The following MORC1 variants were observed in gnomAD, a reference collection of about 807,000 sequenced individuals.
The protein encoded by MORC1 is MORC family CW-type zinc finger 1, also known as MORC family CW-type zinc finger protein 1.
A neutral mutation model predicts 134.9 loss-of-function variants in MORC1; 59 were observed. The observed-to-expected ratio is 0.44, with a 90% CI of 0.35 to 0.54. The LOEUF is 0.54. Ranked by LOEUF, MORC1 falls within the 20% of genes least tolerant of loss-of-function variation. The probability of loss-of-function intolerance (pLI) is 0.00; values close to 1 mark genes in which losing one functional copy is unlikely to be tolerated. For missense variants in MORC1, 947 were observed against 1,134.5 expected (o/e 0.83, Z 2.37); for synonymous variants, 395 against 391.7 (o/e 1.01, Z -0.10).
intron 24 of MORC1, among the ~76,000 whole-genome samples, chr3:108,973,201 T>G (rs1436712590): frequency 6.6e-6 from 1 of 152,182 alleles, no homozygotes; most frequent in Admixed American, 6.5e-5. Flanking sequence ...TAAAACACCT[T>G]TGACCTTCAG....
At chr3:109,071,454 A>G (rs4309742) in intron 8 of MORC1, among the ~76,000 whole-genome samples, 2,762 of 152,250 alleles carry the variant, frequency 0.018, 84 homozygotes, top group African/African-American at 0.063. Flanking sequence ...GGGGATCTTC[A>G]AGGTCTCCCC....
intron 4 of MORC1, among the ~76,000 whole-genome samples, chr3:109,101,006 A>T (rs1950915478): frequency 6.6e-6 from 1 of 152,216 alleles, no homozygotes; most frequent in Non-Finnish European, 1.5e-5. Context: ...CTAAGAAACA[A>T]CTGTATACTG....
At chr3:108,967,904 G>A (rs1056908984) in intron 26 of MORC1, among the ~76,000 whole-genome samples, 10 of 152,160 alleles carry the variant, frequency 6.6e-5, no homozygotes, top group East Asian at 1.9e-4. Context: ...ACTTTGGAGC[G>A]GGAAAAATCA....
intron 13 of MORC1, among the ~76,000 whole-genome samples, chr3:109,055,903 A>C (rs1217969306): frequency 1.3e-5 from 2 of 152,198 alleles, no homozygotes; most frequent in Non-Finnish European, 2.9e-5. Context: ...GTGGGGAAGG[A>C]AATGGACCAG....
chr3:108,983,264 T>C (rs985018102), intron 23 of MORC1, among the ~76,000 whole-genome samples: 4 of 152,184 alleles, frequency 2.6e-5, no homozygotes, highest in South Asian at 2.1e-4. Context: ...GTGCCAAGTA[T>C]GAGTCAGTGT....
chr3:109,057,512 A>G (rs1178818998), intron 12 of MORC1, 26 bp from the exon 13 acceptor site: 2 of 1,550,640 alleles, frequency 1.3e-6, no homozygotes, highest in Admixed American at 4.1e-5. Flanking sequence ...AAAAGTTTAA[A>G]AAGTTGTTTA....
chr3:109,038,160 C>T (rs770619382), intron 14 of MORC1, among the ~76,000 whole-genome samples: 27 of 152,158 alleles, frequency 1.8e-4, no homozygotes, highest in Admixed American at 6.5e-5. Context: ...TGGTATCTCA[C>T]TGTGGTTCTG....
intron 13 of MORC1, among the ~76,000 whole-genome samples, chr3:109,057,061 A>C (rs1238898323): frequency 6.6e-6 from 1 of 152,236 alleles, no homozygotes; most frequent in Non-Finnish European, 1.5e-5. Flanking sequence ...AGCATTAAAA[A>C]TTTATGGCAA....
chr3:108,996,308 A>AC (rs1553745343), intron 21 of MORC1, among the ~76,000 whole-genome samples: 5 of 151,222 alleles, frequency 3.3e-5, no homozygotes, highest in African/African-American at 9.7e-5. Context: ...ACACACACAC[A>AC]ACTAGAATTT....
intron 20 of MORC1, among the ~76,000 whole-genome samples, chr3:109,003,443 A>T (rs1012910713): frequency 6.6e-6 from 1 of 150,422 alleles, no homozygotes; most frequent in African/African-American, 2.4e-5. Context: ...ATGCATACTG[A>T]GTCCCTGTAT....
At chr3:109,060,230 C>T (rs1019972215) in intron 11 of MORC1, among the ~76,000 whole-genome samples, 16 of 150,404 alleles carry the variant, frequency 1.1e-4, no homozygotes, top group Non-Finnish European at 1.8e-4. Context: ...ACAATAAATG[C>T]TCAATTATGT....
intron 24 of MORC1, among the ~76,000 whole-genome samples, chr3:108,979,226 TG>T: frequency 6.6e-6 from 1 of 152,264 alleles, no homozygotes; most frequent in South Asian, 2.1e-4. Context: ...TAAGAGCCTT[TG>T]TTGGGGAAAA....
intron 17 of MORC1, among the ~76,000 whole-genome samples, 187 bp downstream of exon 17, chr3:109,027,564 A>AT (rs56210875): frequency 0.056 from 8,294 of 147,706 alleles, 517 homozygotes; most frequent in African/African-American, 0.15. Flanking sequence ...CATATACAGT[A>AT]TTTTTTTTTT....
chr3:108,973,755 C>T (rs912210212), intron 24 of MORC1, among the ~76,000 whole-genome samples: 12 of 151,884 alleles, frequency 7.9e-5, no homozygotes, highest in Non-Finnish European at 1.6e-4. Flanking sequence ...CGCCACCACA[C>T]CCAGCTCATT....
intron 17 of MORC1, among the ~76,000 whole-genome samples, chr3:109,019,898 G>T (rs139611446): frequency 6.6e-6 from 1 of 152,288 alleles, no homozygotes; most frequent in East Asian, 1.9e-4. Flanking sequence ...TTGGGGGAGA[G>T]ATTGGAGAGA....
chr3:109,062,033 T>C lies in MORC1; in HGVS notation c.921A>G (p.Gln307=). 1 of 1,614,096 alleles carries C rather than the reference T, an allele frequency of 6.2e-7. No homozygotes were observed. The highest frequency in any genetic ancestry group is 8.5e-7 in the Non-Finnish European group (1 of 1,179,968). The part of the protein sequence containing the change: ...KIAESILKEA[Q]IKVNQCDRTS... Reference sequence around the variant, plus strand: ...TTCTGTCACACTGGTTTACTTTGATTTGTGCTTCTTTCAATATGGATTCAG... The same window carrying C: ...TTCTGTCACACTGGTTTACTTTGATCTGTGCTTCTTTCAATATGGATTCAG... Residue 307 remains glutamine (Q), a synonymous_variant, in exon 11 of 28, where the codon CAA becomes CAG. Transcript: ENST00000232603.
chr3:109,032,552 C>G lies in MORC1; in HGVS notation c.1565+168G>C, dbSNP rs2305236. On this transcript the variant is annotated intron_variant, in intron 16 of 27. Coordinates refer to ENST00000232603, the MANE Select transcript of MORC1 (RefSeq NM_014429.4). The stretch of plus-strand genomic sequence containing the variant: ...ATTTCTATTACTTGATGGAAAAGCA[C>G]GCCAATGAAATAATCTTTGCACAGG... Among the ~76,000 whole-genome samples the G allele has an allele frequency of 2.0e-4, 30 of 152,042 alleles. No individual in the cohort carries two copies. In the South Asian group the frequency reaches 3.1e-3, roughly 16 times the overall value.
intron 9 of MORC1, among the ~76,000 whole-genome samples, chr3:109,067,802 T>C (rs1159270557): frequency 6.6e-6 from 1 of 152,204 alleles, no homozygotes; most frequent in African/African-American, 2.4e-5. Flanking sequence ...GTAAAGCTTT[T>C]GCGAAATCCA....
intron 14 of MORC1, among the ~76,000 whole-genome samples, chr3:109,051,378 C>T (rs1212917434): frequency 1.3e-5 from 2 of 152,292 alleles, no homozygotes; most frequent in East Asian, 3.9e-4. Flanking sequence ...CCCTGTAATA[C>T]TGGTTTTCAG....
Sources: allele counts gnomAD v4.1 joint callset (sites outside exome capture counted in the v4.1 genomes callset), GRCh38; gene constraint gnomAD v4.1.1; transcripts MANE v1.5; gene names NCBI Gene and HGNC (gene_info 2026-07-23, HGNC 2026-07-21).